CYP7B1: variants seen among roughly 807,000 people sequenced by gnomAD.
CYP7B1 encodes cytochrome P450 7B1.
In CYP7B1, 29 loss-of-function variants were observed where a neutral mutation model predicts 42.7. The ratio of observed to expected loss-of-function variants is 0.68; its 90% CI spans 0.51 to 0.93. The LOEUF (loss-of-function observed/expected upper bound fraction) is 0.93, where lower values mean the gene tolerates loss of function less well. CYP7B1 is among the 40% of genes least tolerant of loss of function. CYP7B1 has a pLI of 0.00. For missense variants in CYP7B1, 655 were observed against 600.5 expected, an observed-to-expected ratio of 1.09 and a Z score of -0.95; for synonymous variants, 235 against 218.2, an observed-to-expected ratio of 1.08 and a Z score of -0.68.
intron 2 of CYP7B1, among the ~76,000 whole-genome samples, chr8:64,620,561 G>A (rs895453012): frequency 5.9e-5 from 9 of 152,158 alleles, no homozygotes; most frequent in South Asian, 4.1e-4. Flanking sequence ...GATGACATCC[G>A]TGTCCCTTGA....
At chr8:64,762,161 T>C (rs1342644540) in intron 1 of CYP7B1, among the ~76,000 whole-genome samples, 1 of 152,218 alleles carries the variant, frequency 6.6e-6, no homozygotes, top group African/African-American at 2.4e-5. Flanking sequence ...ATAGTAGCTT[T>C]TTTTAGTGCA....
chr8:64,681,146 A>G (rs1806530334), intron 1 of CYP7B1, among the ~76,000 whole-genome samples: 1 of 152,232 alleles, frequency 6.6e-6, no homozygotes, highest in Admixed American at 6.5e-5. Context: ...AAATAAAAGC[A>G]TTTCTAATTA....
chr8:64,676,069 A>G (rs1806441667), intron 1 of CYP7B1, among the ~76,000 whole-genome samples: 1 of 152,130 alleles, frequency 6.6e-6, no homozygotes, highest in Admixed American at 6.6e-5. Context: ...GAATAAATAA[A>G]CAAATGAATA....
chr8:64,601,306 T>C (rs926352283), intron 5 of CYP7B1, among the ~76,000 whole-genome samples: 1 of 152,218 alleles, frequency 6.6e-6, no homozygotes, highest in Non-Finnish European at 1.5e-5. Context: ...TGGAATTACA[T>C]TGTTATTTCA....
chr8:64,692,680 T>A (rs1397760283), intron 1 of CYP7B1, among the ~76,000 whole-genome samples: 1 of 152,046 alleles, frequency 6.6e-6, no homozygotes, highest in African/African-American at 2.4e-5. Context: ...TCTCCTGGAG[T>A]CATTTCCACA....
chr8:64,725,347 C>G (rs1266410972), intron 1 of CYP7B1, among the ~76,000 whole-genome samples: 2 of 152,234 alleles, frequency 1.3e-5, no homozygotes, highest in African/African-American at 4.8e-5. Context: ...ACCCTGTCCA[C>G]TTCTACACTT....
At chr8:64,655,716 T>A (rs1806110971) in intron 1 of CYP7B1, among the ~76,000 whole-genome samples, 1 of 152,208 alleles carries the variant, frequency 6.6e-6, no homozygotes, top group African/African-American at 2.4e-5. Flanking sequence ...TGCACACAGA[T>A]GTTCATTGCA....
At chr8:64,717,088 T>C (rs1310569383) in intron 1 of CYP7B1, among the ~76,000 whole-genome samples, 1 of 152,248 alleles carries the variant, frequency 6.6e-6, no homozygotes, top group Non-Finnish European at 1.5e-5. Flanking sequence ...GCTGGTAATA[T>C]GCCTTGTTCT....
At chr8:64,706,552 G>A (rs1807002074) in intron 1 of CYP7B1, among the ~76,000 whole-genome samples, 1 of 151,974 alleles carries the variant, frequency 6.6e-6, no homozygotes, top group Non-Finnish European at 1.5e-5. Flanking sequence ...TATGAAAGTT[G>A]CAGCAAGAAA....
rs145521868 is a variant in CYP7B1, at chr8:64,615,711, T to G, written c.830A>C (p.His277Pro). The G allele has an allele frequency of 1.9e-6, 3 of 1,613,664 alleles. No homozygotes were observed. The highest frequency in any genetic ancestry group is 2.5e-6 in the Non-Finnish European group (3 of 1,179,670). The change falls in exon 3 of 6, where the codon CAC becomes CCC. Residue 277 changes from histidine to proline, a missense_variant. By Grantham distance (77) the His-to-Pro change is moderately conservative. Coordinates refer to ENST00000310193, the MANE Select transcript of CYP7B1 (RefSeq NM_004820.5). ...RQDVLEKYYV[H>P]EDLEIGAHHL... is the part of the protein sequence containing the mutation. ...CTTACCTCCTATTTCAAGGTCCTCGTGCACATAATATTTCTCCAGGACATC... is the reference window on the plus strand; with the variant it reads ...CTTACCTCCTATTTCAAGGTCCTCGGGCACATAATATTTCTCCAGGACATC...
At chr8:64,634,879 G>A (rs567708893) in intron 1 of CYP7B1, among the ~76,000 whole-genome samples, 42 of 152,242 alleles carry the variant, frequency 2.8e-4, no homozygotes, top group Non-Finnish European at 5.0e-4. Context: ...GCAACCTAAG[G>A]ATACCCCATT....
At chr8:64,639,060 T>G (rs140681993) in intron 1 of CYP7B1, among the ~76,000 whole-genome samples, 1 of 152,064 alleles carries the variant, frequency 6.6e-6, no homozygotes, top group Non-Finnish European at 1.5e-5. Context: ...CAGAAATAGC[T>G]GGATTTTCAC....
intron 4 of CYP7B1, among the ~76,000 whole-genome samples, chr8:64,613,067 A>G (rs1805385477): frequency 6.6e-6 from 1 of 152,206 alleles, no homozygotes; most frequent in Non-Finnish European, 1.5e-5. Context: ...CCATCATTTT[A>G]AATTCTCGTA....
At chr8:64,734,778 C>T (rs1585884606) in intron 1 of CYP7B1, among the ~76,000 whole-genome samples, 1 of 152,268 alleles carries the variant, frequency 6.6e-6, no homozygotes, top group South Asian at 2.1e-4. Flanking sequence ...CCTTTATTTG[C>T]TAACATAACT....
intron 1 of CYP7B1, among the ~76,000 whole-genome samples, chr8:64,625,279 A>G (rs1805593755): frequency 6.6e-6 from 1 of 152,018 alleles, no homozygotes; most frequent in Admixed American, 6.6e-5. Flanking sequence ...AGCCTATTAT[A>G]TCATTCGTAC....
chr8:64,614,839 C>T (rs1242194605), intron 4 of CYP7B1, among the ~76,000 whole-genome samples, 187 bp downstream of exon 4: 1 of 152,030 alleles, frequency 6.6e-6, no homozygotes, highest in African/African-American at 2.4e-5. Context: ...ATTACCTAGG[C>T]CTTAATGTTT....
intron 1 of CYP7B1, among the ~76,000 whole-genome samples, chr8:64,737,952 G>C (rs1339916103): frequency 6.6e-6 from 1 of 152,092 alleles, no homozygotes; most frequent in Non-Finnish European, 1.5e-5. Context: ...TTTCAGATGA[G>C]AGACAACAGA....
chr8:64,757,066 G>T (rs1054945695), intron 1 of CYP7B1, among the ~76,000 whole-genome samples: 1 of 152,160 alleles, frequency 6.6e-6, no homozygotes, highest in African/African-American at 2.4e-5. Flanking sequence ...ATTTTGTAGA[G>T]TCCTAGGGTG....
chr8:64,635,692 G>T (rs1805759466), intron 1 of CYP7B1, among the ~76,000 whole-genome samples: 1 of 152,100 alleles, frequency 6.6e-6, no homozygotes, highest in Non-Finnish European at 1.5e-5. Context: ...TTTCTCCATG[G>T]AATTTCTCAG....
Sources: allele counts gnomAD v4.1 joint callset (sites outside exome capture counted in the v4.1 genomes callset), GRCh38; gene constraint gnomAD v4.1.1; transcripts MANE v1.5; gene names NCBI Gene and HGNC (gene_info 2026-07-23, HGNC 2026-07-21).